LAMA2: variants seen among roughly 807,000 people sequenced by gnomAD.
LAMA2 encodes laminin subunit alpha 2.
In LAMA2, 269 loss-of-function variants were observed where a neutral mutation model predicts 364.8. The ratio of observed to expected loss-of-function variants is 0.74; its 90% CI spans 0.67 to 0.82. The LOEUF is 0.82. Among genes scored for constraint, LAMA2 ranks in the 40% least tolerant of loss-of-function variants. The pLI is 0.00. For synonymous variants in LAMA2, 1,379 were observed against 1,370.6 expected (o/e 1.01, Z -0.14); for missense variants, 3,807 against 3,873.2 (o/e 0.98, Z 0.45).
At position 129,049,832 on chromosome 6, in the gene LAMA2, A is replaced by C. The variant is rs1340954475; in HGVS notation, c.113-86A>C. 4 of 1,256,040 alleles carry C rather than the reference A, an allele frequency of 3.2e-6. No homozygotes were observed. In the East Asian group the frequency reaches 9.3e-5, roughly 29 times the overall value. 77.8% of individuals were successfully genotyped at this position (1,256,040 alleles called of 1,614,324 possible). A position where few individuals can be genotyped will look rare whatever the true frequency, so the allele number is the denominator to read the frequency against. ...TTGGGTTACTTTAATGCTCCGAAAA[A>C]TATTTTATCTCAATTGCTTTTAAAA... On this transcript the variant is annotated intron_variant, in intron 1 of 64. Coordinates refer to ENST00000421865, the MANE Select transcript of LAMA2 (RefSeq NM_000426.4).
At chr6:129,367,270 T>G (rs912333790) in intron 33 of LAMA2, among the ~76,000 whole-genome samples, 2 of 152,226 alleles carry the variant, frequency 1.3e-5, no homozygotes, top group African/African-American at 2.4e-5. Context: ...TATCAGATAT[T>G]TATTAAGAAA....
At chr6:128,931,267 A>G (rs1189752223) in intron 1 of LAMA2, among the ~76,000 whole-genome samples, 2 of 152,180 alleles carry the variant, frequency 1.3e-5, no homozygotes, top group African/African-American at 4.8e-5. Flanking sequence ...GAATTCCCAA[A>G]TGATTTTGAG....
chr6:129,077,794 T>G (rs529288810), intron 3 of LAMA2, among the ~76,000 whole-genome samples: 1 of 152,208 alleles, frequency 6.6e-6, no homozygotes, highest in Non-Finnish European at 1.5e-5. Flanking sequence ...GTTGTTCTCA[T>G]CCACATCATT....
At position 129,383,160 on chromosome 6, in the gene LAMA2, G is replaced by A; in HGVS notation, c.4998G>A (p.Gln1666=). 1 of 1,613,932 alleles carries A rather than the reference G, an allele frequency of 6.2e-7. No homozygotes were observed. The highest frequency in any genetic ancestry group is 8.5e-7 in the Non-Finnish European group (1 of 1,179,930). The part of the protein sequence containing the change: ...KVTADGEQTG[Q]DAERTNTRAK... ...CAGCAGATGGCGAGCAGACCGGACA[G>A]GATGCTGAGAGGACCAACACAAGAG... The change falls in exon 35 of 65, where the codon CAG becomes CAA. Residue 1666 remains glutamine (Q), a synonymous_variant. Transcript: ENST00000421865.
At chr6:128,911,408 C>T (rs1265176967) in intron 1 of LAMA2, among the ~76,000 whole-genome samples, 3 of 152,108 alleles carry the variant, frequency 2.0e-5, no homozygotes, top group African/African-American at 4.8e-5. Flanking sequence ...TTCCAGGTGC[C>T]GCCCATCACC....
intron 1 of LAMA2, among the ~76,000 whole-genome samples, chr6:129,010,290 C>T (rs182208923): frequency 7.0e-4 from 107 of 152,264 alleles, no homozygotes; most frequent in Middle Eastern, 3.4e-3. Flanking sequence ...CAGAAATATA[C>T]AACACTGAAA....
chr6:128,929,559 G>T, intron 1 of LAMA2: 1 of 1,021,086 alleles, frequency 9.8e-7, no homozygotes, highest in Non-Finnish European at 1.6e-6. Context: ...TATCTCCATA[G>T]TCATGAGACT....
chr6:129,514,645 G>A (rs1174802006), intron 64 of LAMA2, 50 bp downstream of exon 64: 3 of 1,416,124 alleles, frequency 2.1e-6, no homozygotes, highest in South Asian at 1.2e-5. Flanking sequence ...TTATGTTACT[G>A]GTTTTGAAAA....
intron 15 of LAMA2, among the ~76,000 whole-genome samples, chr6:129,265,230 G>A (rs975592251): frequency 1.3e-4 from 20 of 152,126 alleles, no homozygotes; most frequent in African/African-American, 4.6e-4. Context: ...GGAGATATAT[G>A]CTTAGATCTC....
chr6:129,365,641 G>A (rs1777725257), intron 32 of LAMA2, among the ~76,000 whole-genome samples: 3 of 151,504 alleles, frequency 2.0e-5, no homozygotes, highest in Non-Finnish European at 4.4e-5. Flanking sequence ...GGGATTACAG[G>A]CATGAGCCAC....
intron 3 of LAMA2, among the ~76,000 whole-genome samples, chr6:129,095,681 C>T (rs1279413030): frequency 1.4e-5 from 2 of 146,182 alleles, no homozygotes; most frequent in Admixed American, 1.4e-4. Context: ...GAGGCTGAGG[C>T]AAGTGGATCA....
chr6:129,483,450 T>TA (rs996795927), intron 55 of LAMA2, among the ~76,000 whole-genome samples: 3 of 152,144 alleles, frequency 2.0e-5, no homozygotes, highest in Admixed American at 1.3e-4. Flanking sequence ...GAGAAAATTA[T>TA]AAAATTTCAT....
intron 2 of LAMA2, among the ~76,000 whole-genome samples, chr6:129,057,010 G>A (rs1212084919): frequency 6.6e-6 from 1 of 151,870 alleles, no homozygotes; most frequent in East Asian, 1.9e-4. Context: ...TGGGATTACA[G>A]GTGTGAGCCA....
At chr6:129,489,436 T>C (rs1175720938) in intron 56 of LAMA2, among the ~76,000 whole-genome samples, 7 of 152,192 alleles carry the variant, frequency 4.6e-5, no homozygotes, top group African/African-American at 1.7e-4. Context: ...CTCTGCCTCC[T>C]ATATCTGCTT....
rs186784560 is a variant in LAMA2, at chr6:129,274,440, G to T, written c.2450+3689G>T. Among the ~76,000 whole-genome samples, 72 of 151,344 alleles carry T rather than the reference G, an allele frequency of 4.8e-4. 1 individual carries two copies. The highest frequency in any genetic ancestry group is 1.6e-3 in the African/African-American group (66 of 41,356). On this transcript the variant is annotated intron_variant, in intron 17 of 64. Transcript: ENST00000421865. The stretch of plus-strand genomic sequence containing the variant: ...AGAGAAAAAAAAAAAGGGAGCTAAA[G>T]GTTGACGCAACCTTCATGGGAAGTC...
chr6:129,262,143 T>A (rs563153127), intron 15 of LAMA2, among the ~76,000 whole-genome samples: 1 of 152,294 alleles, frequency 6.6e-6, no homozygotes, highest in East Asian at 1.9e-4. Context: ...TTACAATTGC[T>A]TAATTGGCTA....
chr6:129,255,416 A>T (rs1241295727), intron 14 of LAMA2, among the ~76,000 whole-genome samples: 2 of 147,398 alleles, frequency 1.4e-5, no homozygotes, highest in Non-Finnish European at 3.0e-5. Context: ...AAAAAAAAAA[A>T]AAAAAAAAAA....
chr6:129,309,993 G>A (rs374551339), intron 22 of LAMA2, among the ~76,000 whole-genome samples: 1,644 of 147,686 alleles, frequency 0.011, 30 homozygotes, highest in African/African-American at 0.038. Flanking sequence ...TCCGCCTCCC[G>A]GGTTCACGCC....
intron 3 of LAMA2, among the ~76,000 whole-genome samples, chr6:129,081,452 A>G (rs893729272): frequency 5.3e-5 from 8 of 152,190 alleles, no homozygotes; most frequent in African/African-American, 1.9e-4. Flanking sequence ...TTTTTTCCAA[A>G]TGTTTTGAAG....
Sources: allele counts gnomAD v4.1 joint callset (sites outside exome capture counted in the v4.1 genomes callset), GRCh38; gene constraint gnomAD v4.1.1; transcripts MANE v1.5; gene names NCBI Gene and HGNC (gene_info 2026-07-23, HGNC 2026-07-21).